Variants in GARRE1 observed in about 807,000 individuals in gnomAD.
GARRE1 encodes the protein granule associated Rac and RHOG effector protein 1.
In GARRE1, 49 loss-of-function variants were observed where a neutral mutation model predicts 103.2. The ratio of observed to expected loss-of-function variants is 0.47; its 90% confidence interval spans 0.38 to 0.60. GARRE1 has a LOEUF of 0.60. Among genes scored for constraint, GARRE1 ranks in the 20% least tolerant of loss-of-function variants. The pLI is 0.00. For missense variants in GARRE1, 1,199 were observed against 1,370.5 expected, an observed-to-expected ratio of 0.87 and a Z score of 1.98; for synonymous variants, 505 against 532.8, an observed-to-expected ratio of 0.95 and a Z score of 0.72.
rs542644808 is a variant in GARRE1 at position 34,323,157 on chromosome 19, G to A, written c.705+3041G>A. On this transcript the variant is annotated intron_variant, in intron 3 of 13. Transcript: ENST00000299505. The stretch of plus-strand genomic sequence containing the variant: ...CGCCATTCTCCTGCCTCAGCCTCCC[G>A]CGTAGCTGGGACTACAGGTGCCTGC... Among the ~76,000 whole-genome samples the A allele has an allele frequency of 5.6e-5, 8 of 142,820 alleles. No individual in the cohort carries two copies. In the South Asian group the frequency reaches 7.4e-4, roughly 13 times the overall value. 93.7% of individuals were successfully genotyped at this position (142,820 alleles called of 152,430 possible). A position where few individuals can be genotyped will look rare whatever the true frequency, so the allele number is the denominator to read the frequency against.
intron 8 of GARRE1, among the ~76,000 whole-genome samples, chr19:34,335,565 G>A (rs1183918504): frequency 1.3e-5 from 2 of 152,076 alleles, no homozygotes; most frequent in Non-Finnish European, 2.9e-5. Flanking sequence ...TCGGTCTGTC[G>A]CCCAGGCTGG....
intron 1 of GARRE1, among the ~76,000 whole-genome samples, chr19:34,257,602 T>G (rs2073682540): frequency 6.6e-6 from 1 of 152,184 alleles, no homozygotes; most frequent in Non-Finnish European, 1.5e-5. Flanking sequence ...ATTGATTTGT[T>G]TTGGAGTTAT....
At chr19:34,346,997 C>T (rs2074214421) in intron 10 of GARRE1, among the ~76,000 whole-genome samples, 1 of 152,088 alleles carries the variant, frequency 6.6e-6, no homozygotes, top group Non-Finnish European at 1.5e-5. Context: ...AATCTTGGCT[C>T]ACTGCAACCT....
intron 1 of GARRE1, among the ~76,000 whole-genome samples, chr19:34,281,615 G>A (rs1329318497): frequency 6.6e-6 from 1 of 151,966 alleles, no homozygotes. Context: ...TATAGAGATG[G>A]GGTCTCACTG....
chr19:34,315,959 C>A (rs2074058560), intron 2 of GARRE1, among the ~76,000 whole-genome samples: 1 of 152,160 alleles, frequency 6.6e-6, no homozygotes, highest in Non-Finnish European at 1.5e-5. Context: ...ATTCAGTAGA[C>A]CCCGATAGCT....
In GARRE1 at chr19:34,328,111, CCTT is replaced by C; in HGVS notation, c.1065_1067del (p.Phe356del). ...GGATCGCACTTCCTGAAGGGCGTCT[CCTT>C]TAATGAGTCGGCCGCCGACAATCTG... On this transcript the variant is annotated inframe_deletion, in exon 6 of 14. Transcript: ENST00000299505. The C allele has an allele frequency of 6.2e-7, 1 of 1,614,152 alleles. No individual in the cohort carries two copies. The highest frequency in any genetic ancestry group is 8.5e-7 in the Non-Finnish European group (1 of 1,180,040).
At position 34,354,647 on chromosome 19, in the gene GARRE1, G is replaced by T. The variant is rs2074260980; in HGVS notation, c.*1692G>T. The T allele has an allele frequency of 6.6e-6, 1 of 152,196 alleles. No homozygotes were observed. The highest frequency in any genetic ancestry group is 2.1e-4 in the South Asian group (1 of 4,806). 9.4% of individuals were successfully genotyped at this position (152,196 alleles called of 1,614,324 possible). A position where few individuals can be genotyped will look rare whatever the true frequency, so the allele number is the denominator to read the frequency against. ...AGATTGTGCCACTGCACTCCAGCCTGGGTGACAGAGTGAGATTCCGTCTCA... is the reference window on the plus strand; with the variant it reads ...AGATTGTGCCACTGCACTCCAGCCTTGGTGACAGAGTGAGATTCCGTCTCA... On this transcript the variant is annotated 3_prime_UTR_variant, in exon 14 of 14. Transcript: ENST00000299505.
At chr19:34,305,562 A>G (rs2145246507) in intron 2 of GARRE1, among the ~76,000 whole-genome samples, 1 of 152,300 alleles carries the variant, frequency 6.6e-6, no homozygotes, top group East Asian at 1.9e-4. Context: ...GCTTGCAGGT[A>G]TTGGAGGAAA....
chr19:34,322,572 A>G (rs2074094169), intron 3 of GARRE1, among the ~76,000 whole-genome samples: 1 of 152,136 alleles, frequency 6.6e-6, no homozygotes, highest in South Asian at 2.1e-4. Context: ...TTACTGCTCC[A>G]TTTTACAGAG....
chr19:34,327,905 G>A (rs777370414), intron 5 of GARRE1, 39 bp downstream of exon 5: 15 of 1,612,266 alleles, frequency 9.3e-6, no homozygotes, highest in Admixed American at 3.3e-5. Flanking sequence ...GACCTATGGC[G>A]CTGCTCCTGC....
At chr19:34,268,065 C>T (rs749664403) in intron 1 of GARRE1, among the ~76,000 whole-genome samples, 6 of 151,170 alleles carry the variant, frequency 4.0e-5, no homozygotes, top group Non-Finnish European at 7.4e-5. Context: ...AACCACTGCA[C>T]GTGGTGCTTT....
chr19:34,341,721 A>G lies in GARRE1; in HGVS notation c.1787A>G (p.Asn596Ser), dbSNP rs1599781105. ...TRLQSILNIG[N>S]FPRTTDPSQS... is the part of the protein sequence containing the mutation. ...TTACAAAGCATTTTGAACATTGGTA[A>G]TTTCCCCAGGACTACAGACCCTTCA... The change falls in exon 10 of 14, where the codon AAT becomes AGT. Residue 596 changes from asparagine (N) to serine (S), a missense_variant. Coordinates refer to ENST00000299505, the MANE Select transcript of GARRE1 (RefSeq NM_014686.5). 2 of 1,614,200 alleles carry G rather than the reference A, an allele frequency of 1.2e-6. No homozygotes were observed. The highest frequency in any genetic ancestry group is 8.5e-7 in the Non-Finnish European group (1 of 1,180,034).
chr19:34,278,588 C>T (rs1474039784), intron 1 of GARRE1, among the ~76,000 whole-genome samples: 1 of 151,984 alleles, frequency 6.6e-6, no homozygotes. Flanking sequence ...TATATGGAAT[C>T]ACACAGTATT....
chr19:34,328,736 T>C (rs1599775553), intron 6 of GARRE1, among the ~76,000 whole-genome samples: 1 of 152,110 alleles, frequency 6.6e-6, no homozygotes, highest in African/African-American at 2.4e-5. Flanking sequence ...CCCTCCCAAG[T>C]AGCTGGGACT....
At chr19:34,325,266 T>C (rs1437383940) in intron 3 of GARRE1, among the ~76,000 whole-genome samples, 1 of 152,184 alleles carries the variant, frequency 6.6e-6, no homozygotes, top group Non-Finnish European at 1.5e-5. Flanking sequence ...GTCTTGGGAC[T>C]GAAAAACCAC....
intron 9 of GARRE1, 85 bp downstream of exon 9, chr19:34,340,077 T>C: frequency 1.4e-6 from 2 of 1,416,528 alleles, no homozygotes; most frequent in Non-Finnish European, 2.0e-6. Context: ...TCATTGATAG[T>C]ATACGGTATT....
At chr19:34,338,643 G>A (rs982816502) in intron 8 of GARRE1, among the ~76,000 whole-genome samples, 6 of 152,132 alleles carry the variant, frequency 3.9e-5, no homozygotes, top group East Asian at 3.8e-4. Context: ...AGAGAAATTC[G>A]GGCAAAGGCA....
intron 2 of GARRE1, among the ~76,000 whole-genome samples, chr19:34,318,197 A>G (rs1215769425): frequency 6.6e-6 from 1 of 152,226 alleles, no homozygotes; most frequent in Non-Finnish European, 1.5e-5. Context: ...TCCAAGAAGA[A>G]ACAGCTCTGA....
At chr19:34,311,505 AAAGCTAGG>A (rs1377063266) in intron 2 of GARRE1, among the ~76,000 whole-genome samples, 1 of 152,192 alleles carries the variant, frequency 6.6e-6, no homozygotes, top group African/African-American at 2.4e-5. Context: ...TGCCGAGCAG[AAAGCTAGG>A]AAGTGGGCTC....
Sources: gnomAD v4.1 joint callset for allele counts (sites outside exome capture counted in the v4.1 genomes callset) on GRCh38, gnomAD v4.1.1 for gene constraint, MANE v1.5 for transcripts, NCBI Gene and HGNC (gene_info 2026-07-23, HGNC 2026-07-21) for gene names.